Variants in CKAP2L observed in about 807,000 individuals in gnomAD.
CKAP2L encodes the protein cytoskeleton associated protein 2L, also known as cytoskeleton-associated protein 2-like.
CKAP2L carries 42 observed loss-of-function variants against 65.7 expected under a neutral mutation model. The observed-to-expected ratio is 0.64, with a 90% CI of 0.50 to 0.83. The LOEUF is 0.83. Among genes scored for constraint, CKAP2L ranks in the 40% least tolerant of loss-of-function variants. The pLI, the probability that CKAP2L is intolerant of heterozygous loss-of-function variation, is 0.00. For missense variants in CKAP2L, 908 were observed against 871.0 expected (o/e 1.04, Z -0.53); for synonymous variants, 325 against 313.5 (o/e 1.04, Z -0.39).
At position 112,756,331 on chromosome 2, in the gene CKAP2L, C is replaced by T. The variant is rs551009951; in HGVS notation, c.1040G>A (p.Arg347Lys). 170 of 1,613,532 alleles carry T rather than the reference C, an allele frequency of 1.1e-4. 1 individual carries two copies. In the South Asian group the frequency reaches 1.7e-3, roughly 16 times the overall value. The change falls in exon 4 of 9, where the codon AGA (arginine) becomes AAA (lysine). Residue 347 changes from arginine to lysine, a missense_variant. Physicochemically the swap from Arg to Lys is conservative, Grantham distance 26. Coordinates refer to ENST00000302450, the MANE Select transcript of CKAP2L (RefSeq NM_152515.5). Reference sequence around the variant, plus strand: ...CTGATCTTGCTTGATGTTTGGATGTCTGTTGTTATATTCACCCTGAAGCAA... The same window carrying T: ...CTGATCTTGCTTGATGTTTGGATGTTTGTTGTTATATTCACCCTGAAGCAA... ...PSLLQGEYNNRHPNIKQDQKS... is the reference protein window; with the variant it reads ...PSLLQGEYNNKHPNIKQDQKS...
chr2:112,757,045 G>A lies in CKAP2L; in HGVS notation c.326C>T (p.Ser109Phe), dbSNP rs765968351. The part of the protein sequence containing the change: ...LGKRLTSECV[S>F]SNPYSKPSSK... ...AGAAGGCTTAGAGTATGGGTTAGAA[G>A]AAACACATTCTGAAGTCAGCCTTTT... Residue 109 changes from serine to phenylalanine, a missense_variant, in exon 4 of 9, where the codon TCT becomes TTT. Transcript: ENST00000302450. 2.2e-5 allele frequency: 36 copies of A among 1,614,078 alleles called. No individual in the cohort carries two copies. The highest frequency in any genetic ancestry group is 1.1e-4 in the East Asian group (5 of 44,896).
chr2:112,740,758 A>G, intron 8 of CKAP2L, 60 bp downstream of exon 8: 1 of 1,402,846 alleles, frequency 7.1e-7, no homozygotes, highest in Non-Finnish European at 9.9e-7. Context: ...TGAAGGAAAA[A>G]TCGAGACTTG....
At position 112,755,994 on chromosome 2, in the gene CKAP2L, T is replaced by G; in HGVS notation, c.1377A>C (p.Ala459=). 4 of 1,586,282 alleles carry G rather than the reference T, an allele frequency of 2.5e-6. No homozygotes were observed. Among genetic ancestry groups the G allele is most frequent in the Non-Finnish European group, 2.6e-6 (3 of 1,169,304 alleles). The part of the protein sequence containing the change: ...TQTNPNIKKK[A]TAEDRRKQLE... The stretch of plus-strand genomic sequence containing the variant: ...CAAAGTACCTTCGATCCTCTGCTGT[T>G]GCCTTCTTTTTAATATTTGGGTTTG... The change falls in exon 4 of 9, where the codon GCA becomes GCC. Residue 459 remains alanine, a synonymous_variant. Transcript: ENST00000302450.
rs564498836 is a variant in CKAP2L, at chr2:112,757,494, A to G, written c.157-280T>C. Among the ~76,000 whole-genome samples, 44 of 150,218 alleles carry G rather than the reference A, an allele frequency of 2.9e-4. No homozygotes were observed. The East Asian group carries it at 4.9e-3, about 17-fold the overall frequency. Reference sequence around the variant, plus strand: ...AACCTCTGCCTCCTGGGTTGAAGCAATTCTCCCACCCCAACCTCGCAAGTG... The same window carrying G: ...AACCTCTGCCTCCTGGGTTGAAGCAGTTCTCCCACCCCAACCTCGCAAGTG... On this transcript the variant is annotated intron_variant, in intron 3 of 8. Transcript: ENST00000302450.
chr2:112,744,668 C>T (rs1365126707), intron 6 of CKAP2L, among the ~76,000 whole-genome samples: 1 of 152,178 alleles, frequency 6.6e-6, no homozygotes, highest in Non-Finnish European at 1.5e-5. Flanking sequence ...GCACTGGCAG[C>T]CTGGTGTCTA....
intron 6 of CKAP2L, among the ~76,000 whole-genome samples, chr2:112,745,714 T>A (rs1172843619): frequency 6.6e-6 from 1 of 152,126 alleles, no homozygotes; most frequent in Non-Finnish European, 1.5e-5. Context: ...ACAATGTGAA[T>A]GCTAAATAGT....
chr2:112,745,031 A>T lies in CKAP2L; in HGVS notation c.1758+1389T>A, dbSNP rs1046104126. On this transcript the variant is annotated intron_variant, in intron 6 of 8. Transcript: ENST00000302450. ...CTAATATGGGTTCTAAAAACAAGGG[A>T]TCCACCCAACTTAAGAAGGATGTAA... is the stretch of plus-strand genomic sequence containing the variant. Among the ~76,000 whole-genome samples the T allele has an allele frequency of 2.0e-5, 3 of 152,198 alleles. No individual in the cohort carries two copies. In the South Asian group the frequency reaches 6.2e-4, roughly 31 times the overall value.
intron 5 of CKAP2L, among the ~76,000 whole-genome samples, chr2:112,751,802 T>G (rs1185068767): frequency 6.6e-6 from 1 of 152,204 alleles, no homozygotes; most frequent in Non-Finnish European, 1.5e-5. Context: ...ATCTATTTTA[T>G]CCTTATCTGC....
chr2:112,760,670 T>C (rs756191875), intron 3 of CKAP2L, 43 bp downstream of exon 3: 11 of 930,036 alleles, frequency 1.2e-5, no homozygotes, highest in Non-Finnish European at 1.9e-5. Context: ...TTACTAATCA[T>C]ACTTATGAAT....
Position 112,756,214 on chromosome 2 carries a change from A to T in CKAP2L, c.1157T>A (p.Phe386Tyr). 3.1e-6 allele frequency: 5 copies of T among 1,614,142 alleles called. No homozygotes were observed. The highest frequency in any genetic ancestry group is 4.2e-6 in the Non-Finnish European group (5 of 1,180,022). Residue 386 changes from phenylalanine (F) to tyrosine (Y), a missense_variant, in exon 4 of 9, where the codon TTT (phenylalanine) becomes TAT (tyrosine). By Grantham distance (22) the Phe-to-Tyr change is conservative. Transcript: ENST00000302450. ...AGGGGTGCTTGGAATGGCTGAATTA[A>T]ATCTGCCAACTGTCAAATTAGGCCT... ...SQRPNLTVGR[F>Y]NSAIPSTPSI...
At chr2:112,747,564 T>G (rs1574327826) in intron 5 of CKAP2L, among the ~76,000 whole-genome samples, 1 of 152,146 alleles carries the variant, frequency 6.6e-6, no homozygotes, top group Non-Finnish European at 1.5e-5. Flanking sequence ...AAAAAGATAA[T>G]TTGAAATGGA....
chr2:112,751,030 A>T (rs973336833), intron 5 of CKAP2L, among the ~76,000 whole-genome samples: 3 of 152,182 alleles, frequency 2.0e-5, no homozygotes, highest in Non-Finnish European at 4.4e-5. Flanking sequence ...ACTAAAGTTG[A>T]CTCAAGATAT....
chr2:112,739,954 C>A (rs1038040750), intron 8 of CKAP2L, among the ~76,000 whole-genome samples: 1 of 151,952 alleles, frequency 6.6e-6, no homozygotes, highest in African/African-American at 2.4e-5. Flanking sequence ...ATGTGCCCAG[C>A]CTTTTCATTT....
intron 4 of CKAP2L, among the ~76,000 whole-genome samples, chr2:112,753,436 G>A (rs1402363551): frequency 1.3e-5 from 2 of 151,892 alleles, no homozygotes; most frequent in East Asian, 3.8e-4. Context: ...AGTGTAATCT[G>A]GCTCCTGCCT....
intron 4 of CKAP2L, among the ~76,000 whole-genome samples, chr2:112,754,977 T>C (rs1290185224): frequency 6.6e-6 from 1 of 152,230 alleles, no homozygotes; most frequent in Non-Finnish European, 1.5e-5. Context: ...CTCTTGATCA[T>C]AGCACCCTGA....
At chr2:112,749,675 A>G (rs1350868134) in intron 5 of CKAP2L, among the ~76,000 whole-genome samples, 1 of 152,212 alleles carries the variant, frequency 6.6e-6, no homozygotes, top group Non-Finnish European at 1.5e-5. Flanking sequence ...TTTGGGTTAA[A>G]GAACTCAAAA....
chr2:112,739,918 T>G (rs1399514700), intron 8 of CKAP2L, among the ~76,000 whole-genome samples: 1 of 152,080 alleles, frequency 6.6e-6, no homozygotes, highest in Admixed American at 6.6e-5. Flanking sequence ...CCTACCAAAG[T>G]GACAGGATTA....
At chr2:112,764,028 G>A (rs1002005959) in intron 1 of CKAP2L, 3 of 157,188 alleles carry the variant, frequency 1.9e-5, no homozygotes, top group African/African-American at 7.2e-5. Flanking sequence ...AGGGCTCCAA[G>A]CACATCTAAG....
At chr2:112,753,526 C>CT (rs59027525) in intron 4 of CKAP2L, among the ~76,000 whole-genome samples, 5,655 of 100,326 alleles carry the variant, frequency 0.056, 251 homozygotes, top group Middle Eastern at 0.091. Context: ...AGTTTCTTTT[C>CT]TTTTTTTTTT....
Sources: gnomAD v4.1 joint callset for allele counts (sites outside exome capture counted in the v4.1 genomes callset) on GRCh38, gnomAD v4.1.1 for gene constraint, MANE v1.5 for transcripts, NCBI Gene and HGNC (gene_info 2026-07-23, HGNC 2026-07-21) for gene names.